The following XKR4 variants were observed in gnomAD, a reference collection of about 807,000 sequenced individuals.
XKR4 encodes XK related 4.
A neutral mutation model predicts 53.9 loss-of-function variants in XKR4; 12 were observed. That is an observed-to-expected ratio of 0.22 (90% CI 0.14 to 0.36). XKR4 has a LOEUF of 0.36. Ranked by LOEUF, XKR4 falls within the 10% of genes least tolerant of loss-of-function variation. XKR4 has a pLI of 1.00. For missense variants in XKR4, 799 were observed against 859.5 expected (o/e 0.93, Z 0.88); for synonymous variants, 354 against 362.4 (o/e 0.98, Z 0.26).
chr8:55,419,143 G>C lies in XKR4; in HGVS notation c.1006+61266G>C, dbSNP rs532548336. 1.4e-4 allele frequency among the ~76,000 whole-genome samples: 21 copies of C among 152,214 alleles called. No homozygotes were observed. In the South Asian group the frequency reaches 3.9e-3, roughly 29 times the overall value. On this transcript the variant is annotated intron_variant, in intron 2 of 2. Coordinates refer to ENST00000327381, the MANE Select transcript of XKR4 (RefSeq NM_052898.2). Reference sequence around the variant, plus strand: ...CTCACGGCTGTAATCCCAGCACTTTGGGAGGCTCAGGCAGGTGGATCACCT... The same window carrying C: ...CTCACGGCTGTAATCCCAGCACTTTCGGAGGCTCAGGCAGGTGGATCACCT...
At chr8:55,156,538 C>T (rs913623571) in intron 1 of XKR4, among the ~76,000 whole-genome samples, 1 of 151,888 alleles carries the variant, frequency 6.6e-6, no homozygotes, top group Non-Finnish European at 1.5e-5. Flanking sequence ...TTTCATAAGA[C>T]AACAAATAGA....
At chr8:55,462,143 G>T (rs1381690266) in intron 2 of XKR4, among the ~76,000 whole-genome samples, 1 of 152,074 alleles carries the variant, frequency 6.6e-6, no homozygotes, top group South Asian at 2.1e-4. Flanking sequence ...GATACTCCTC[G>T]AGAAGAGCAA....
rs114109905 is a variant in XKR4 at position 55,533,944 on chromosome 8, G to T, written c.*9717G>T. 6.6e-6 allele frequency: 1 copy of T among 152,028 alleles called. No homozygotes were observed. The highest frequency in any genetic ancestry group is 1.5e-5 in the Non-Finnish European group (1 of 68,002). The allele number at this position is 152,028 out of a possible 1,614,324, so 9.4% of individuals were successfully genotyped here. A position where few individuals can be genotyped will look rare whatever the true frequency, so the allele number is the denominator to read the frequency against. On this transcript the variant is annotated 3_prime_UTR_variant, in exon 3 of 3. Transcript: ENST00000327381. ...GCTTCATTTGTTTTTTCCAGTAAAC[G>T]CTGTTTTGAAAAAAAAGAAAAATAT...
chr8:55,494,546 A>T (rs898548381), intron 2 of XKR4, among the ~76,000 whole-genome samples: 1 of 152,160 alleles, frequency 6.6e-6, no homozygotes, highest in Admixed American at 6.5e-5. Flanking sequence ...AGTTTTATTA[A>T]GTGATAGAAC....
intron 1 of XKR4, among the ~76,000 whole-genome samples, chr8:55,182,429 T>C (rs1378477412): frequency 6.6e-6 from 1 of 152,164 alleles, no homozygotes; most frequent in Non-Finnish European, 1.5e-5. Flanking sequence ...AAAAGTTTCA[T>C]AGTTTTATGT....
chr8:55,225,291 T>C (rs1817937758), intron 1 of XKR4, among the ~76,000 whole-genome samples: 1 of 152,240 alleles, frequency 6.6e-6, no homozygotes, highest in South Asian at 2.1e-4. Flanking sequence ...CTCTACAAGA[T>C]AAACAGTTAC....
intron 1 of XKR4, among the ~76,000 whole-genome samples, chr8:55,111,606 A>G (rs908790640): frequency 3.9e-5 from 6 of 152,202 alleles, no homozygotes; most frequent in East Asian, 1.9e-4. Context: ...CAAATAAAAC[A>G]ATTTTCATTA....
chr8:55,282,633 G>A (rs977512779), intron 1 of XKR4, among the ~76,000 whole-genome samples: 7 of 152,150 alleles, frequency 4.6e-5, no homozygotes, highest in Non-Finnish European at 1.0e-4. Flanking sequence ...CCATTCATGA[G>A]GGATCTGCCC....
intron 1 of XKR4, among the ~76,000 whole-genome samples, chr8:55,266,811 C>T (rs999453475): frequency 6.6e-6 from 1 of 152,174 alleles, no homozygotes; most frequent in Admixed American, 6.5e-5. Flanking sequence ...GACCCCTCCT[C>T]TGAGTTTGTC....
chr8:55,532,658 A>T lies in XKR4; in HGVS notation c.*8431A>T, dbSNP rs1432596001. On this transcript the variant is annotated 3_prime_UTR_variant, in exon 3 of 3. Transcript: ENST00000327381. ...AAAACTACAAAAAAATTAGCCAGGC[A>T]TGGTGGCGGGCGCCTGTGGTCCCAG... 6.6e-6 allele frequency: 1 copy of T among 152,192 alleles called. No individual in the cohort carries two copies. The highest frequency in any genetic ancestry group is 2.4e-5 in the African/African-American group (1 of 41,402). 9.4% of individuals were successfully genotyped at this position (152,192 alleles called of 1,614,324 possible).
chr8:55,411,580 C>T (rs1464447892), intron 2 of XKR4, among the ~76,000 whole-genome samples: 1 of 152,234 alleles, frequency 6.6e-6, no homozygotes, highest in Non-Finnish European at 1.5e-5. Flanking sequence ...ACTTGCCTAA[C>T]CCTGATTCCC....
At chr8:55,401,649 G>T (rs1804603256) in intron 2 of XKR4, among the ~76,000 whole-genome samples, 1 of 152,228 alleles carries the variant, frequency 6.6e-6, no homozygotes, top group South Asian at 2.1e-4. Flanking sequence ...AGAGCTAAGG[G>T]GAGAAGTTAG....
At chr8:55,390,425 A>G (rs973409280) in intron 2 of XKR4, among the ~76,000 whole-genome samples, 1 of 152,202 alleles carries the variant, frequency 6.6e-6, no homozygotes, top group Admixed American at 6.6e-5. Context: ...TACAAAGTAA[A>G]TGCTGCATTT....
chr8:55,130,747 G>A (rs1816542142), intron 1 of XKR4, among the ~76,000 whole-genome samples: 1 of 151,808 alleles, frequency 6.6e-6, no homozygotes, highest in Admixed American at 6.6e-5. Flanking sequence ...ATGTGCACGT[G>A]TGTGTGTGTG....
intron 2 of XKR4, among the ~76,000 whole-genome samples, chr8:55,476,352 G>A (rs1481276212): frequency 1.3e-5 from 2 of 152,090 alleles, no homozygotes; most frequent in African/African-American, 4.8e-5. Context: ...GCTCCCCCCA[G>A]AGGTCAAAAT....
chr8:55,194,381 A>G (rs1437490499), intron 1 of XKR4, among the ~76,000 whole-genome samples: 1 of 152,168 alleles, frequency 6.6e-6, no homozygotes, highest in Admixed American at 6.5e-5. Context: ...CCTCACAGCC[A>G]AGGCAAGTAA....
At chr8:55,492,892 ACTCT>A in intron 2 of XKR4, among the ~76,000 whole-genome samples, 1 of 152,222 alleles carries the variant, frequency 6.6e-6, no homozygotes, top group South Asian at 2.1e-4. Context: ...ATCTGAGGTC[ACTCT>A]CTCAGCACCA....
At chr8:55,125,153 A>C (rs1816445443) in intron 1 of XKR4, among the ~76,000 whole-genome samples, 1 of 152,234 alleles carries the variant, frequency 6.6e-6, no homozygotes, top group African/African-American at 2.4e-5. Context: ...CCATTTTAGC[A>C]AGTGCTTCTC....
chr8:55,259,623 T>C (rs920719504), intron 1 of XKR4, among the ~76,000 whole-genome samples: 1 of 152,080 alleles, frequency 6.6e-6, no homozygotes, highest in Non-Finnish European at 1.5e-5. Context: ...GTGAAGCACA[T>C]TCCTGGAGCA....
Sources: allele counts gnomAD v4.1 joint callset (sites outside exome capture counted in the v4.1 genomes callset), GRCh38; gene constraint gnomAD v4.1.1; transcripts MANE v1.5; gene names NCBI Gene and HGNC (gene_info 2026-07-23, HGNC 2026-07-21).